The following ARGLU1 variants were observed in gnomAD, a reference collection of about 807,000 sequenced individuals.
ARGLU1 encodes arginine and glutamate rich 1.
Under a neutral mutation model 37.6 loss-of-function variants are expected in ARGLU1, and 9 were observed. The observed-to-expected ratio is 0.24, with a 90% CI of 0.14 to 0.42. The LOEUF (loss-of-function observed/expected upper bound fraction) is 0.42, where lower values mean the gene tolerates loss of function less well. ARGLU1 is among the 10% of genes least tolerant of loss of function. The probability of loss-of-function intolerance (pLI) is 1.00; values close to 1 mark genes in which losing one functional copy is unlikely to be tolerated. For synonymous variants in ARGLU1, 166 were observed against 138.5 expected, an observed-to-expected ratio of 1.20 and a Z score of -1.39; for missense variants, 211 against 359.2, an observed-to-expected ratio of 0.59 and a Z score of 3.34.
intron 1 of ARGLU1, among the ~76,000 whole-genome samples, chr13:106,561,653 G>C (rs1594194310): frequency 6.6e-6 from 1 of 152,068 alleles, no homozygotes; most frequent in African/African-American, 2.4e-5. Flanking sequence ...TAGAAAGAAG[G>C]CCCTAGGAGT....
At position 106,554,294 on chromosome 13, in the gene ARGLU1, G is replaced by C. The variant is rs139614219; in HGVS notation, c.657+2754C>G. ...TAGATTTTAGCAAACAGTTACCTTT[G>C]ATCACCCTTCATCATTCATCACTTT... On this transcript the variant is annotated intron_variant, in intron 3 of 3. Coordinates refer to ENST00000400198, the MANE Select transcript of ARGLU1 (RefSeq NM_018011.4). Among the ~76,000 whole-genome samples the C allele has an allele frequency of 1.9e-3, 296 of 152,158 alleles. 1 individual carries two copies. Among genetic ancestry groups the C allele is most frequent in the African/African-American group, 6.7e-3 (278 of 41,510 alleles).
Position 106,542,441 on chromosome 13 carries a change from T to A in ARGLU1, c.*1555A>T, listed in dbSNP as rs1373176727. Reference sequence around the variant, plus strand: ...GTATGTTTACTAAAAGTTCTCACTATATTTCATGCCTATTTAAAATTCTAC... The same window carrying A: ...GTATGTTTACTAAAAGTTCTCACTAAATTTCATGCCTATTTAAAATTCTAC... On this transcript the variant is annotated 3_prime_UTR_variant, in exon 4 of 4. Transcript: ENST00000400198. 1.3e-5 allele frequency: 2 copies of A among 152,140 alleles called. No individual in the cohort carries two copies. The highest frequency in any genetic ancestry group is 2.4e-5 in the African/African-American group (1 of 41,460). The allele number at this position is 152,140 out of a possible 1,614,324, so 9.4% of individuals were successfully genotyped here. A position where few individuals can be genotyped will look rare whatever the true frequency, so the allele number is the denominator to read the frequency against.
chr13:106,565,076 A>C (rs1880923894), intron 1 of ARGLU1, among the ~76,000 whole-genome samples: 2 of 152,162 alleles, frequency 1.3e-5, no homozygotes, highest in Non-Finnish European at 2.9e-5. Context: ...CCCACCTCTT[A>C]GTTTCCATCC....
chr13:106,558,561 T>G, intron 2 of ARGLU1: 4 of 985,474 alleles, frequency 4.1e-6, no homozygotes, highest in Non-Finnish European at 4.8e-6. Flanking sequence ...TGTAAAGTAA[T>G]TTGCCTTGAG....
chr13:106,549,275 G>GA (rs1282483691), intron 3 of ARGLU1, among the ~76,000 whole-genome samples: 4 of 152,130 alleles, frequency 2.6e-5, no homozygotes, highest in Admixed American at 6.5e-5. Context: ...AGAAATGGAT[G>GA]AAAAACAGCA....
chr13:106,550,998 T>A (rs1880518140), intron 3 of ARGLU1, among the ~76,000 whole-genome samples: 1 of 152,232 alleles, frequency 6.6e-6, no homozygotes, highest in Non-Finnish European at 1.5e-5. Context: ...TTAAACATCG[T>A]TCTCCATAGA....
chr13:106,557,601 T>C lies in ARGLU1; in HGVS notation c.574-470A>G. 1 of 1,607,182 alleles carries C rather than the reference T, an allele frequency of 6.2e-7. No homozygotes were observed. The highest frequency in any genetic ancestry group is 8.5e-7 in the Non-Finnish European group (1 of 1,177,250). On this transcript the variant is annotated intron_variant, in intron 2 of 3. Transcript: ENST00000400198. This position sits in a 1 kb window ranked among gnomAD's most constrained non-coding sequence, Gnocchi z 5.0. Reference sequence around the variant, plus strand: ...TGCAGAGTGTGCTCCTCGGCTGCCATACGCGCCAGCTTCCTCTTTAAAATG... The same window carrying C: ...TGCAGAGTGTGCTCCTCGGCTGCCACACGCGCCAGCTTCCTCTTTAAAATG...
chr13:106,549,202 T>C (rs1372333548), intron 3 of ARGLU1, among the ~76,000 whole-genome samples: 2 of 152,242 alleles, frequency 1.3e-5, no homozygotes, highest in Non-Finnish European at 2.9e-5. Context: ...CTATTCTCTA[T>C]TTGAAATATA....
At chr13:106,545,506 T>G (rs900654349) in intron 3 of ARGLU1, among the ~76,000 whole-genome samples, 3 of 152,244 alleles carry the variant, frequency 2.0e-5, no homozygotes, top group African/African-American at 7.2e-5. Context: ...AAACGTTCTC[T>G]CTTCTGATAC....
chr13:106,560,316 GA>G, intron 1 of ARGLU1, among the ~76,000 whole-genome samples: 1 of 152,042 alleles, frequency 6.6e-6, no homozygotes, highest in Admixed American at 6.6e-5. Flanking sequence ...TTTATTACCA[GA>G]AAAAGTTCAA....
rs1232836211 is a variant in ARGLU1 at position 106,568,098 on chromosome 13, A to G, written c.-179T>C. 2 of 960,688 alleles carry G rather than the reference A, an allele frequency of 2.1e-6. No individual in the cohort carries two copies. The highest frequency in any genetic ancestry group is 3.7e-5 in the Admixed American group (1 of 26,680). The allele number at this position is 960,688 out of a possible 1,614,324, so 59.5% of individuals were successfully genotyped here. On this transcript the variant is annotated 5_prime_UTR_variant, in exon 1 of 4. Coordinates refer to ENST00000400198, the MANE Select transcript of ARGLU1 (RefSeq NM_018011.4). ...GCTGCCACGAAGGCCGCCTCCAACG[A>G]GAAACCCGTAGCGCCAGGCGCCCCT... is the stretch of plus-strand genomic sequence containing the variant.
intron 3 of ARGLU1, among the ~76,000 whole-genome samples, chr13:106,554,768 C>T (rs1210682683): frequency 3.3e-5 from 5 of 151,608 alleles, no homozygotes; most frequent in African/African-American, 1.2e-4. Flanking sequence ...ACCTGTAGTC[C>T]CAGCTACTCA....
At chr13:106,559,206 C>A (rs1000134529) in intron 2 of ARGLU1, 12 of 1,496,386 alleles carry the variant, frequency 8.0e-6, no homozygotes, top group African/African-American at 1.4e-5. Context: ...TCCATTAAAT[C>A]AAAAAGTATC....
chr13:106,564,500 T>C (rs1001412114), intron 1 of ARGLU1, among the ~76,000 whole-genome samples: 1 of 152,242 alleles, frequency 6.6e-6, no homozygotes, highest in Non-Finnish European at 1.5e-5. Context: ...ATTCTTATTT[T>C]ACGGTCTCTT....
Position 106,555,560 on chromosome 13 carries a change from A to T in ARGLU1, c.657+1488T>A, listed in dbSNP as rs115571360. Among the ~76,000 whole-genome samples the T allele has an allele frequency of 3.5e-3, 536 of 152,318 alleles. 9 individuals are homozygous for T. The highest frequency in any genetic ancestry group is 0.012 in the African/African-American group (509 of 41,576). Reference sequence around the variant, plus strand: ...CCTCATTTTTCTAGTAATTCATCTTAATTGTATTTTGCGAAAGTAGAGGTC... The same window carrying T: ...CCTCATTTTTCTAGTAATTCATCTTTATTGTATTTTGCGAAAGTAGAGGTC... On this transcript the variant is annotated intron_variant, in intron 3 of 3. Coordinates refer to ENST00000400198, the MANE Select transcript of ARGLU1 (RefSeq NM_018011.4).
chr13:106,553,532 C>T (rs1353616796), intron 3 of ARGLU1, among the ~76,000 whole-genome samples: 6 of 151,740 alleles, frequency 4.0e-5, no homozygotes, highest in Admixed American at 3.9e-4. Flanking sequence ...ACTGTTATAC[C>T]CATTTAAATT....
chr13:106,551,324 A>G (rs1880525593), intron 3 of ARGLU1, among the ~76,000 whole-genome samples: 1 of 152,206 alleles, frequency 6.6e-6, no homozygotes, highest in Admixed American at 6.5e-5. Flanking sequence ...TCAGCTAAAT[A>G]TGAAAAAGTT....
intron 3 of ARGLU1, among the ~76,000 whole-genome samples, chr13:106,550,520 A>G (rs1880507638): frequency 6.6e-6 from 1 of 152,096 alleles, no homozygotes; most frequent in African/African-American, 2.4e-5. Flanking sequence ...TTGGTGCCTT[A>G]TTTTTCCTAA....
intron 1 of ARGLU1, among the ~76,000 whole-genome samples, chr13:106,562,990 CAA>C (rs745494550): frequency 7.4e-5 from 5 of 67,410 alleles, no homozygotes; most frequent in African/African-American, 1.6e-4. Flanking sequence ...GACCCTGTCT[CAA>C]AAAAAAAAAA....
Sources: allele counts gnomAD v4.1 joint callset (sites outside exome capture counted in the v4.1 genomes callset), GRCh38; gene constraint gnomAD v4.1.1; non-coding constraint Gnocchi (gnomAD v3.1); transcripts MANE v1.5; gene names NCBI Gene and HGNC (gene_info 2026-07-23, HGNC 2026-07-21).